CCDC66: variants seen among roughly 807,000 people sequenced by gnomAD.
The protein encoded by CCDC66 is coiled-coil domain-containing protein 66.
A neutral mutation model predicts 128.3 loss-of-function variants in CCDC66; 133 were observed. That is an observed-to-expected ratio of 1.04 (90% confidence interval 0.90 to 1.20). The LOEUF (loss-of-function observed/expected upper bound fraction) is 1.20, where lower values mean the gene tolerates loss of function less well. CCDC66 is among the 50% of genes most tolerant of loss of function. The pLI, the probability that CCDC66 is intolerant of heterozygous loss-of-function variation, is 0.00. For synonymous variants in CCDC66, 387 were observed against 357.0 expected, an observed-to-expected ratio of 1.08 and a Z score of -0.95; for missense variants, 1,126 against 1,075.5, an observed-to-expected ratio of 1.05 and a Z score of -0.66.
rs955458476 is a variant in CCDC66 at position 56,584,442 on chromosome 3, A to G, written c.937-8528A>G. Among the ~76,000 whole-genome samples the G allele has an allele frequency of 5.4e-5, 8 of 149,140 alleles. 1 individual carries two copies. The highest frequency in any genetic ancestry group is 6.8e-5 in the Admixed American group (1 of 14,804). On this transcript the variant is annotated intron_variant, in intron 7 of 17. Transcript: ENST00000394672. ...GGGCGGCCAGGCGGAGACGCTCCTCACCTCCCAGACGGGGTCGCGGCCAGG... is the reference window on the plus strand; with the variant it reads ...GGGCGGCCAGGCGGAGACGCTCCTCGCCTCCCAGACGGGGTCGCGGCCAGG...
In CCDC66 at chr3:56,621,792, A is replaced by G. The variant is rs893203926; in HGVS notation, c.*174A>G. 30 of 272,498 alleles carry G rather than the reference A, an allele frequency of 1.1e-4. No individual in the cohort carries two copies. Among genetic ancestry groups the G allele is most frequent in the Non-Finnish European group, 2.0e-4 (29 of 147,650 alleles). 16.9% of individuals were successfully genotyped at this position (272,498 alleles called of 1,614,324 possible). The stretch of plus-strand genomic sequence containing the variant: ...GTACTTGTTCTATACAATAAAACAG[A>G]TACTTCTTTTGTAAAAGCTTAGTAG... On this transcript the variant is annotated 3_prime_UTR_variant, in exon 18 of 18. Transcript: ENST00000394672.
At chr3:56,561,935 T>A (rs766283399) in intron 3 of CCDC66, among the ~76,000 whole-genome samples, 1 of 152,186 alleles carries the variant, frequency 6.6e-6, no homozygotes, top group Non-Finnish European at 1.5e-5. Flanking sequence ...ATCTCCATAG[T>A]TTGTTCTTTA....
intron 10 of CCDC66, among the ~76,000 whole-genome samples, chr3:56,609,576 T>A (rs1200891789): frequency 1.3e-5 from 2 of 152,236 alleles, no homozygotes; most frequent in Non-Finnish European, 2.9e-5. Context: ...CATTCAATGT[T>A]AATATTGAAA....
intron 14 of CCDC66, chr3:56,617,886 T>A: frequency 1.8e-6 from 1 of 565,808 alleles, no homozygotes; most frequent in Non-Finnish European, 3.1e-6. Context: ...TCCTTATGCT[T>A]ATCGAGTCCT....
At position 56,590,965 on chromosome 3, in the gene CCDC66, T is replaced by C. The variant is rs117624658; in HGVS notation, c.937-2005T>C. 2.4e-4 allele frequency among the ~76,000 whole-genome samples: 36 copies of C among 152,272 alleles called. No homozygotes were observed. In the East Asian group the frequency reaches 5.8e-3, roughly 25 times the overall value. ...ACAATTGTTACAGTGTGTCTTGTGT[T>C]ATACACAAATATGCCTTACTCACCT... On this transcript the variant is annotated intron_variant, in intron 7 of 17. Coordinates refer to ENST00000394672, the MANE Select transcript of CCDC66 (RefSeq NM_001141947.3).
In CCDC66 at chr3:56,564,120, C is replaced by A. The variant is rs1261634079; in HGVS notation, c.539C>A (p.Ala180Glu). 6.3e-7 allele frequency: 1 copy of A among 1,579,388 alleles called. No homozygotes were observed. Among genetic ancestry groups the A allele is most frequent in the Non-Finnish European group, 8.6e-7 (1 of 1,165,712 alleles). Residue 180 changes from alanine (A) to glutamate (E), a missense_variant, in exon 4 of 18, where the codon GCA becomes GAA. By Grantham distance (107) the Ala-to-Glu change is moderately radical (BLOSUM62 -1). Transcript: ENST00000394672. ...SLSLTENGKE[A>E]KSQYSLYLNS... Reference sequence around the variant, plus strand: ...TCCCTGACTGAGAATGGAAAGGAGGCAAAAAGTAAGATTTTTCTAAAGTTT... The same window carrying A: ...TCCCTGACTGAGAATGGAAAGGAGGAAAAAAGTAAGATTTTTCTAAAGTTT...
intron 10 of CCDC66, among the ~76,000 whole-genome samples, chr3:56,599,679 G>C (rs282535): frequency 2.0e-5 from 3 of 152,010 alleles, no homozygotes; most frequent in Non-Finnish European, 4.4e-5. Context: ...TCTATTTATT[G>C]GTACAGTTGC....
intron 7 of CCDC66, among the ~76,000 whole-genome samples, chr3:56,587,330 A>C (rs2069964587): frequency 6.6e-6 from 1 of 152,016 alleles, no homozygotes; most frequent in Admixed American, 6.6e-5. Flanking sequence ...TACTGTAAAG[A>C]AATCTCTGGG....
At chr3:56,561,931 A>G (rs901303163) in intron 3 of CCDC66, among the ~76,000 whole-genome samples, 2 of 151,952 alleles carry the variant, frequency 1.3e-5, no homozygotes, top group Admixed American at 6.6e-5. Flanking sequence ...TGTAATCTCC[A>G]TAGTTTGTTC....
At chr3:56,586,331 A>T (rs927827644) in intron 7 of CCDC66, among the ~76,000 whole-genome samples, 1 of 151,496 alleles carries the variant, frequency 6.6e-6, no homozygotes, top group African/African-American at 2.4e-5. Flanking sequence ...AATCGAGACC[A>T]TCCTGGCCAA....
rs569547560 is a variant in CCDC66, at chr3:56,602,705, G to GA, written c.1404+8678dup. Among the ~76,000 whole-genome samples, 11 of 151,978 alleles carry GA rather than the reference G, an allele frequency of 7.2e-5. 1 individual carries two copies. In the East Asian group the frequency reaches 2.1e-3, roughly 29 times the overall value. ...CGTCTTCTTCTTGGTTTAGACTTGGGAGGGTGTATGTGTCCAGGAATTTAT... is the reference window on the plus strand; with the variant it reads ...CGTCTTCTTCTTGGTTTAGACTTGGGAAGGGTGTATGTGTCCAGGAATTTAT... On this transcript the variant is annotated intron_variant, in intron 10 of 17. Transcript: ENST00000394672.
intron 12 of CCDC66, 144 bp downstream of exon 12, chr3:56,615,416 A>T (rs751454677): frequency 1.2e-5 from 9 of 747,528 alleles, no homozygotes; most frequent in Non-Finnish European, 1.8e-5. Context: ...CTGCAACCTC[A>T]TATTTTTTGT....
chr3:56,621,171 A>AAACAAC (rs1553717946), intron 17 of CCDC66: 1 of 153,478 alleles, frequency 6.5e-6, no homozygotes, highest in Non-Finnish European at 1.4e-5. Context: ...AAAAAAAACA[A>AAACAAC]AACAACAACA....
At chr3:56,616,582 C>T (rs557015008) in intron 13 of CCDC66, 1 of 155,934 alleles carries the variant, frequency 6.4e-6, no homozygotes, top group African/African-American at 2.4e-5. Context: ...GGGTTATCTC[C>T]ACTTTTTGGC....
Position 56,615,911 on chromosome 3 carries a change from C to T in CCDC66, c.1712-11C>T. ...TAAGTGTTGTTTTATCAGGTGATTTCTCTTTGCCAGTTGATACAATACAAA... is the reference window on the plus strand; with the variant it reads ...TAAGTGTTGTTTTATCAGGTGATTTTTCTTTGCCAGTTGATACAATACAAA... On this transcript the variant is annotated splice_polypyrimidine_tract_variant and intron_variant, in intron 12 of 17. Coordinates refer to ENST00000394672, the MANE Select transcript of CCDC66 (RefSeq NM_001141947.3). 1.3e-6 allele frequency: 2 copies of T among 1,583,414 alleles called. No individual in the cohort carries two copies. The highest frequency in any genetic ancestry group is 1.7e-6 in the Non-Finnish European group (2 of 1,163,828).
chr3:56,599,403 T>C (rs151336705), intron 10 of CCDC66, among the ~76,000 whole-genome samples: 200 of 152,206 alleles, frequency 1.3e-3, no homozygotes, highest in Non-Finnish European at 2.3e-3. Flanking sequence ...TCTATTTTGT[T>C]TAATTCTGCT....
chr3:56,619,682 ACTT>A, intron 16 of CCDC66, 92 bp from the exon 17 acceptor site: 1 of 1,504,968 alleles, frequency 6.6e-7, no homozygotes, highest in Non-Finnish European at 8.9e-7. Context: ...TAGGATACAT[ACTT>A]ATTATAATGA....
chr3:56,558,510 T>A (rs1188219558), intron 1 of CCDC66, among the ~76,000 whole-genome samples: 1 of 152,238 alleles, frequency 6.6e-6, no homozygotes, highest in Non-Finnish European at 1.5e-5. Context: ...AAATATATCT[T>A]GTTCCTTTAA....
At chr3:56,579,792 G>A (rs1342962232) in intron 7 of CCDC66, among the ~76,000 whole-genome samples, 2 of 151,836 alleles carry the variant, frequency 1.3e-5, no homozygotes, top group Admixed American at 6.6e-5. Flanking sequence ...TAAAATTTCT[G>A]TTCTTTTACA....
Sources: allele counts gnomAD v4.1 joint callset (sites outside exome capture counted in the v4.1 genomes callset), GRCh38; gene constraint gnomAD v4.1.1; transcripts MANE v1.5; gene names NCBI Gene and HGNC (gene_info 2026-07-23, HGNC 2026-07-21).